Variants in ARHGEF10L observed in about 807,000 individuals in gnomAD.
The protein encoded by ARHGEF10L is rho guanine nucleotide exchange factor 10-like protein.
Under a neutral mutation model 141.2 loss-of-function variants are expected in ARHGEF10L, and 69 were observed. That is an observed-to-expected ratio of 0.49 (90% CI 0.40 to 0.60). The LOEUF is 0.60. Ranked by LOEUF, ARHGEF10L falls within the 20% of genes least tolerant of loss-of-function variation. The pLI, the probability that ARHGEF10L is intolerant of heterozygous loss-of-function variation, is 0.00. For synonymous variants in ARHGEF10L, 711 were observed against 718.5 expected (o/e 0.99, Z 0.17); for missense variants, 1,482 against 1,734.3 (o/e 0.85, Z 2.58).
chr1:17,515,291 C>CTTTT, the ARHGEF10L span, among the ~76,000 whole-genome samples: 2 of 132,000 alleles, frequency 1.5e-5, no homozygotes, highest in Non-Finnish European at 1.6e-5. Context: ...CTTTTTCTCT[C>CTTTT]TTTTTTTTTT....
chr1:17,688,833 G>A lies in ARHGEF10L; in HGVS notation c.3184+1086G>A, dbSNP rs949998623. 5.3e-5 allele frequency among the ~76,000 whole-genome samples: 8 copies of A among 151,854 alleles called. No homozygotes were observed. The East Asian group carries it at 1.4e-3, about 26-fold the overall frequency. On this transcript the variant is annotated intron_variant, in intron 27 of 28. Transcript: ENST00000361221. ...GGGGCCCGGTCCCTAACTCCCTCCCGAGGCCCTGGAAATCACCCTGGTTTC... is the reference window on the plus strand; with the variant it reads ...GGGGCCCGGTCCCTAACTCCCTCCCAAGGCCCTGGAAATCACCCTGGTTTC...
chr1:17,637,270 A>T (rs1246535627), intron 18 of ARHGEF10L, among the ~76,000 whole-genome samples: 1 of 152,164 alleles, frequency 6.6e-6, no homozygotes, highest in Non-Finnish European at 1.5e-5. Flanking sequence ...GCCTTTGCAC[A>T]CGCTCTTGTC....
intron 1 of ARHGEF10L, among the ~76,000 whole-genome samples, chr1:17,575,599 G>A (rs1248875282): frequency 1.3e-5 from 2 of 152,218 alleles, no homozygotes; most frequent in Non-Finnish European, 2.9e-5. Flanking sequence ...CCGAGAGGTC[G>A]GTGGAGGGGG....
intron 21 of ARHGEF10L, among the ~76,000 whole-genome samples, chr1:17,645,906 G>T (rs1186696778): frequency 2.0e-5 from 3 of 152,232 alleles, no homozygotes; most frequent in Non-Finnish European, 2.9e-5. Context: ...GCACGTAGAA[G>T]TGTCTGTTAT....
At chr1:17,608,663 G>A (rs1031058747) in intron 7 of ARHGEF10L, among the ~76,000 whole-genome samples, 7 of 152,232 alleles carry the variant, frequency 4.6e-5, no homozygotes, top group Admixed American at 1.3e-4. Context: ...GTTGTTCTGC[G>A]GAAGCCACCA....
intron 1 of ARHGEF10L, among the ~76,000 whole-genome samples, chr1:17,559,503 C>T (rs1000882765): frequency 1.3e-5 from 2 of 152,158 alleles, no homozygotes; most frequent in Non-Finnish European, 2.9e-5. Context: ...CCGACACCCC[C>T]CAGGGCCGCT....
At chr1:17,602,356 G>T in intron 5 of ARHGEF10L, 138 bp downstream of exon 5, 1 of 979,704 alleles carries the variant, frequency 1.0e-6, no homozygotes, top group South Asian at 1.6e-5. Context: ...TGGCCCTGGA[G>T]GACCAACCAC....
intron 1 of ARHGEF10L, among the ~76,000 whole-genome samples, chr1:17,561,430 C>T (rs1170941458): frequency 1.3e-5 from 2 of 152,210 alleles, no homozygotes; most frequent in Admixed American, 1.3e-4. Context: ...TTTCCTTGGT[C>T]CTGCCCCCCG....
At chr1:17,679,977 C>G (rs2063989533) in intron 26 of ARHGEF10L, among the ~76,000 whole-genome samples, 1 of 152,200 alleles carries the variant, frequency 6.6e-6, no homozygotes, top group African/African-American at 2.4e-5. Context: ...TGCTCACATT[C>G]AGCTCTGGTG....
At chr1:17,530,086 G>A in the ARHGEF10L span, among the ~76,000 whole-genome samples, 284 of 152,154 alleles carry the variant, frequency 1.9e-3, 1 homozygote, top group African/African-American at 6.5e-3. Context: ...ACTCACTTCG[G>A]CATTCCAAAG....
chr1:17,642,872 C>T (rs113756908), intron 21 of ARHGEF10L, among the ~76,000 whole-genome samples: 91 of 152,326 alleles, frequency 6.0e-4, no homozygotes, highest in African/African-American at 2.1e-3. Context: ...CCCCATGTTA[C>T]ACCTGCTTTA....
At chr1:17,614,459 G>A (rs2059701261) in intron 8 of ARHGEF10L, among the ~76,000 whole-genome samples, 1 of 152,154 alleles carries the variant, frequency 6.6e-6, no homozygotes, top group Non-Finnish European at 1.5e-5. Context: ...TTTTGCCCAG[G>A]AAAATGCCAA....
chr1:17,572,576 C>T (rs1234531773), intron 1 of ARHGEF10L, among the ~76,000 whole-genome samples: 1 of 152,218 alleles, frequency 6.6e-6, no homozygotes, highest in Non-Finnish European at 1.5e-5. Flanking sequence ...AGGATCAGAA[C>T]ACGCCTGATC....
At position 17,632,436 on chromosome 1, in the gene ARHGEF10L, A is replaced by G. The variant is rs2060749151; in HGVS notation, c.1700A>G (p.Asp567Gly). ...SKERRVFLLN[D>G]MLVCANINFK... ...GAGCGTCGGGTCTTCCTGCTCAACG[A>G]CATGCTTGTCTGTGCCAACATCAAC... The change falls in exon 16 of 29, where the codon GAC becomes GGC. Residue 567 changes from aspartate to glycine, a missense_variant. Around this residue, in one of 3 missense-constraint regions of ARHGEF10L, gnomAD observed 858 missense variants for 966.3 expected, o/e 0.89. Coordinates refer to ENST00000361221, the MANE Select transcript of ARHGEF10L (RefSeq NM_018125.4). 1 of 1,614,090 alleles carries G rather than the reference A, an allele frequency of 6.2e-7. No individual in the cohort carries two copies. Among genetic ancestry groups the G allele is most frequent in the African/African-American group, 1.3e-5 (1 of 75,016 alleles).
intron 14 of ARHGEF10L, among the ~76,000 whole-genome samples, chr1:17,626,564 C>T (rs1349501625): frequency 1.3e-5 from 2 of 152,186 alleles, no homozygotes; most frequent in Non-Finnish European, 2.9e-5. Flanking sequence ...TATCCACTCT[C>T]AGTGCTGCTG....
chr1:17,686,047 A>C (rs1385436359), intron 26 of ARHGEF10L, among the ~76,000 whole-genome samples: 1 of 150,850 alleles, frequency 6.6e-6, no homozygotes, highest in African/African-American at 2.5e-5. Flanking sequence ...TTCTTCCCCC[A>C]GCTTTTGGTG....
intron 1 of ARHGEF10L, among the ~76,000 whole-genome samples, chr1:17,544,702 G>A (rs2800684): frequency 0.078 from 11,886 of 152,058 alleles, 518 homozygotes; most frequent in African/African-American, 0.1. Context: ...GTGTGTGTGC[G>A]TTGGGGAGTG....
rs1284801667 is a variant in ARHGEF10L, at chr1:17,656,086, G to A, written c.2689G>A (p.Gly897Arg). 1.3e-6 allele frequency: 2 copies of A among 1,553,534 alleles called. No individual in the cohort carries two copies. The highest frequency in any genetic ancestry group is 1.9e-5 in the Admixed American group (1 of 51,462). The change falls in exon 24 of 29, where the codon GGG becomes AGG. Residue 897 changes from glycine (G) to arginine (R), a missense_variant. By Grantham distance (125) the Gly-to-Arg change is moderately radical. This residue lies in a region of ARHGEF10L where 858 missense variants were observed against 966.3 expected (regional missense o/e 0.89). Coordinates refer to ENST00000361221, the MANE Select transcript of ARHGEF10L (RefSeq NM_018125.4). The surrounding 1 kb of genome is among the most constrained non-coding windows in gnomAD (Gnocchi z 4.9). Reference protein sequence around the residue: ...SATVHPTICLGLQDGSILLYS... With the variant: ...SATVHPTICLRLQDGSILLYS... ...CACGGTGCATCCAACCATCTGCCTC[G>A]GGCTCCAGGATGGCAGGTGAGGGGC... is the stretch of plus-strand genomic sequence containing the variant.
At chr1:17,589,256 C>T (rs1015373022) in intron 4 of ARHGEF10L, among the ~76,000 whole-genome samples, 11 of 152,314 alleles carry the variant, frequency 7.2e-5, no homozygotes, top group Middle Eastern at 3.4e-3. Context: ...TCTTCTTTGT[C>T]TTCTGCAAGT....
Sources: allele counts gnomAD v4.1 joint callset (sites outside exome capture counted in the v4.1 genomes callset), GRCh38; gene constraint gnomAD v4.1.1; regional missense constraint gnomAD v4.1.1; non-coding constraint Gnocchi (gnomAD v3.1); transcripts MANE v1.5; gene names NCBI Gene and HGNC (gene_info 2026-07-23, HGNC 2026-07-21).